Variants in ABCC4 observed in about 807,000 individuals in gnomAD.
The protein encoded by ABCC4 is ATP-binding cassette sub-family C member 4.
ABCC4 carries 102 observed loss-of-function variants against 168.5 expected under a neutral mutation model. That is an observed-to-expected ratio of 0.61 (90% CI 0.52 to 0.71). The LOEUF (loss-of-function observed/expected upper bound fraction) is 0.71, where lower values mean the gene tolerates loss of function less well. ABCC4 is among the 30% of genes least tolerant of loss of function. The probability of loss-of-function intolerance (pLI) is 0.00; values close to 1 mark genes in which losing one functional copy is unlikely to be tolerated. For missense variants in ABCC4, 1,402 were observed against 1,605.8 expected (o/e 0.87, Z 2.17); for synonymous variants, 617 against 590.7 (o/e 1.04, Z -0.65).
intron 4 of ABCC4, among the ~76,000 whole-genome samples, chr13:95,223,126 G>C (rs1023167007): frequency 2.6e-5 from 4 of 152,138 alleles, no homozygotes; most frequent in African/African-American, 9.7e-5. Context: ...AATTTCCAAA[G>C]TTCTGCCCTA....
intron 25 of ABCC4, among the ~76,000 whole-genome samples, chr13:95,066,689 G>A (rs1349200808): frequency 1.4e-4 from 21 of 152,236 alleles, no homozygotes; most frequent in Non-Finnish European, 4.4e-5. Context: ...TGATTAAACT[G>A]TTGAAATGAC....
intron 4 of ABCC4, among the ~76,000 whole-genome samples, chr13:95,225,145 TCTCTCTCTCACACACACACACA>T (rs1319354876): frequency 1.3e-4 from 6 of 45,188 alleles, no homozygotes; most frequent in Admixed American, 2.1e-4. Context: ...TGTCTGTCTC[TCTCTCTCTCACACACACACACA>T]CACACACACA....
At chr13:95,082,546 C>T (rs768511063) in intron 21 of ABCC4, among the ~76,000 whole-genome samples, 1 of 152,110 alleles carries the variant, frequency 6.6e-6, no homozygotes, top group Non-Finnish European at 1.5e-5. Flanking sequence ...AGAACAAGCA[C>T]CGCTGGTAAC....
At chr13:95,053,286 C>A in intron 26 of ABCC4, 102 bp from the exon 27 acceptor site, 1 of 902,804 alleles carries the variant, frequency 1.1e-6, no homozygotes, top group South Asian at 1.4e-5. Flanking sequence ...AAATAAAATT[C>A]ATGATAATAA....
chr13:95,210,903 C>T (rs559440301), intron 4 of ABCC4, 122 bp from the exon 5 acceptor site: 5 of 619,712 alleles, frequency 8.1e-6, no homozygotes, highest in African/African-American at 7.3e-5. Flanking sequence ...ACAAGCATCC[C>T]CACCCCCCCA....
chr13:95,198,194 T>A (rs1391313959), intron 8 of ABCC4, among the ~76,000 whole-genome samples: 1 of 151,748 alleles, frequency 6.6e-6, no homozygotes, highest in Non-Finnish European at 1.5e-5. Flanking sequence ...TGGAAGAAAA[T>A]TTTTGCAATC....
chr13:95,115,079 A>G (rs4148524), intron 20 of ABCC4, among the ~76,000 whole-genome samples: 16,549 of 151,664 alleles, frequency 0.11, 1,202 homozygotes, highest in Admixed American at 0.19. Context: ...AACACTTGGG[A>G]AAAAAAAAGT....
At chr13:95,166,590 A>G (rs562915901) in intron 14 of ABCC4, among the ~76,000 whole-genome samples, 1 of 152,368 alleles carries the variant, frequency 6.6e-6, no homozygotes, top group African/African-American at 2.4e-5. Flanking sequence ...TAAAATGGTA[A>G]TAGTGTGTTA....
chr13:95,200,270 G>A (rs962500576), intron 8 of ABCC4, among the ~76,000 whole-genome samples: 1 of 152,166 alleles, frequency 6.6e-6, no homozygotes, highest in Non-Finnish European at 1.5e-5. Flanking sequence ...ACCAAAACAG[G>A]TGTCTGCGTG....
intron 20 of ABCC4, among the ~76,000 whole-genome samples, chr13:95,086,042 A>AT (rs1178660252): frequency 1.4e-5 from 2 of 144,892 alleles, no homozygotes; most frequent in African/African-American, 5.1e-5. Flanking sequence ...ATATATCTGT[A>AT]TTTTTTATAT....
At chr13:95,232,905 T>A (rs574947436) in intron 4 of ABCC4, among the ~76,000 whole-genome samples, 24 of 152,178 alleles carry the variant, frequency 1.6e-4, no homozygotes, top group African/African-American at 5.3e-4. Context: ...TAAGAAAATA[T>A]CAAATCAGGT....
chr13:95,277,005 C>T (rs1303207422), intron 1 of ABCC4, among the ~76,000 whole-genome samples: 2 of 151,960 alleles, frequency 1.3e-5, no homozygotes, highest in Admixed American at 6.6e-5. Flanking sequence ...GGCGACAGAG[C>T]GAGACTCAGT....
rs577753540 is a variant in ABCC4 at position 95,250,009 on chromosome 13, C to T, written c.75-2256G>A. 1.8e-4 allele frequency among the ~76,000 whole-genome samples: 28 copies of T among 152,354 alleles called. No individual in the cohort carries two copies. The South Asian group carries it at 3.9e-3, about 21-fold the overall frequency. ...AGGACTTAACAAGGACCCTCCTACT[C>T]TCTCTCATTGCCCAGATCTCAAAAA... is the stretch of plus-strand genomic sequence containing the variant. On this transcript the variant is annotated intron_variant, in intron 1 of 30. Transcript: ENST00000645237.
At chr13:95,148,568 T>C (rs2139501785) in intron 19 of ABCC4, among the ~76,000 whole-genome samples, 1 of 148,752 alleles carries the variant, frequency 6.7e-6, no homozygotes, top group Non-Finnish European at 1.5e-5. Context: ...AAAGTCTCTC[T>C]CTCCCTCTCC....
chr13:95,218,945 GA>G (rs1438871287), intron 4 of ABCC4, among the ~76,000 whole-genome samples: 3 of 30,708 alleles, frequency 9.8e-5, no homozygotes, highest in African/African-American at 5.4e-4. Context: ...AAGAAAGAAA[GA>G]AAGAAAGAAA....
chr13:95,248,306 G>A (rs1041247691), intron 1 of ABCC4, among the ~76,000 whole-genome samples: 4 of 152,058 alleles, frequency 2.6e-5, no homozygotes, highest in Non-Finnish European at 5.9e-5. Flanking sequence ...GGGGTAAGAA[G>A]GAAAAACTCT....
chr13:95,170,548 A>G lies in ABCC4; in HGVS notation c.1808T>C (p.Ile603Thr). 6.2e-7 allele frequency: 1 copy of G among 1,611,014 alleles called. No homozygotes were observed. ...ACTACTTACATCTTTCAATATCAGAATCTGACTTGCAGCTTTGAGGTACTG... is the reference window on the plus strand; with the variant it reads ...ACTACTTACATCTTTCAATATCAGAGTCTGACTTGCAGCTTTGAGGTACTG... ...QLQYLKAASQ[I>T]LILKDGKMVQ... The change falls in exon 14 of 31, where the codon ATT (isoleucine) becomes ACT (threonine). Residue 603 changes from isoleucine to threonine, a missense_variant. Ile to Thr is a moderately conservative substitution (Grantham distance 89, BLOSUM62 -1). Transcript: ENST00000645237.
intron 4 of ABCC4, among the ~76,000 whole-genome samples, chr13:95,222,642 G>C (rs551270926): frequency 2.8e-4 from 43 of 152,290 alleles, no homozygotes; most frequent in African/African-American, 1.0e-3. Flanking sequence ...AGATACTGAA[G>C]GTCAAGCTGA....
At chr13:95,113,111 G>A (rs1016564945) in intron 20 of ABCC4, among the ~76,000 whole-genome samples, 1 of 152,092 alleles carries the variant, frequency 6.6e-6, no homozygotes, top group Non-Finnish European at 1.5e-5. Context: ...CACCCCACTG[G>A]CTCTAGAAAT....
Sources: allele counts gnomAD v4.1 joint callset (sites outside exome capture counted in the v4.1 genomes callset), GRCh38; gene constraint gnomAD v4.1.1; transcripts MANE v1.5; gene names NCBI Gene and HGNC (gene_info 2026-07-23, HGNC 2026-07-21).